SPECC1: variants seen among roughly 807,000 people sequenced by gnomAD.
SPECC1 encodes cytospin-B.
Under a neutral mutation model 104.1 loss-of-function variants are expected in SPECC1, and 62 were observed. The observed-to-expected ratio is 0.60, with a 90% CI of 0.49 to 0.74. The LOEUF (loss-of-function observed/expected upper bound fraction) is 0.74. Ranked by LOEUF, SPECC1 falls within the 30% of genes least tolerant of loss-of-function variation. The pLI, the probability that SPECC1 is intolerant of heterozygous loss-of-function variation, is 0.00. For missense variants in SPECC1, 1,306 were observed against 1,310.5 expected, an observed-to-expected ratio of 1.00 and a Z score of 0.05; for synonymous variants, 513 against 501.6, an observed-to-expected ratio of 1.02 and a Z score of -0.30.
In SPECC1 at chr17:20,315,000, C is replaced by T. The variant is rs970570423; in HGVS notation, c.*935C>T. 4 of 232,684 alleles carry T rather than the reference C, an allele frequency of 1.7e-5. No individual in the cohort carries two copies. Among genetic ancestry groups the T allele is most frequent in the Admixed American group, 5.6e-5 (1 of 17,768 alleles). The allele number at this position is 232,684 out of a possible 1,614,324, so 14.4% of individuals were successfully genotyped here. On this transcript the variant is annotated 3_prime_UTR_variant, in exon 15 of 15. Transcript: ENST00000395527. ...CTCGCGGCTTTCACAGTAGGGAAAC[C>T]GCAGTCCTCGTCACCTGCGCCTTTG...
intron 1 of SPECC1, among the ~76,000 whole-genome samples, chr17:20,075,569 A>T (rs1295703770): frequency 6.6e-6 from 1 of 151,842 alleles, no homozygotes; most frequent in Non-Finnish European, 1.5e-5. Flanking sequence ...TCAGGAGGAG[A>T]AGAAGGAGGA....
intron 12 of SPECC1, among the ~76,000 whole-genome samples, chr17:20,293,987 T>G (rs1598155668): frequency 6.6e-6 from 1 of 152,048 alleles, no homozygotes; most frequent in African/African-American, 2.4e-5. Context: ...GAATTGAATT[T>G]TTTTTGTTTT....
At chr17:20,097,202 T>C (rs1376753745) in intron 2 of SPECC1, among the ~76,000 whole-genome samples, 1 of 152,170 alleles carries the variant, frequency 6.6e-6, no homozygotes, top group South Asian at 2.1e-4. Flanking sequence ...ATTACGCCCT[T>C]CATGAGGGAG....
intron 2 of SPECC1, among the ~76,000 whole-genome samples, chr17:20,103,744 G>A (rs1049566092): frequency 1.3e-5 from 2 of 152,082 alleles, no homozygotes; most frequent in Non-Finnish European, 2.9e-5. Context: ...CAGGACGTCC[G>A]CATCCCCCGT....
chr17:20,200,864 CTT>C (rs2036381151), intron 3 of SPECC1, among the ~76,000 whole-genome samples: 1 of 141,440 alleles, frequency 7.1e-6, no homozygotes, highest in Admixed American at 7.2e-5. Context: ...TGGGAAGAAT[CTT>C]TTGGAAAACA....
intron 1 of SPECC1, among the ~76,000 whole-genome samples, chr17:20,044,237 T>G (rs1316657777): frequency 6.6e-6 from 1 of 152,078 alleles, no homozygotes; most frequent in Non-Finnish European, 1.5e-5. Flanking sequence ...GGGAAGCATT[T>G]TATTGGCTTC....
At chr17:20,078,615 A>G (rs1158991598) in intron 1 of SPECC1, among the ~76,000 whole-genome samples, 2 of 152,208 alleles carry the variant, frequency 1.3e-5, no homozygotes, top group African/African-American at 2.4e-5. Context: ...TTTGTATGGC[A>G]AATTTATAAA....
rs1215062048 is a variant in SPECC1 at position 20,110,295 on chromosome 17, A to G, written c.148-132A>G. On this transcript the variant is annotated intron_variant, in intron 2 of 14. Transcript: ENST00000395527. The stretch of plus-strand genomic sequence containing the variant: ...TTGCATTTTTTCACTTCACTCTATC[A>G]TGCTACTCAAAGTGCTGTTATTGTA... 20 of 1,104,364 alleles carry G rather than the reference A, an allele frequency of 1.8e-5. No individual in the cohort carries two copies. In the Middle Eastern group the frequency reaches 9.7e-4, roughly 53 times the overall value. 68.4% of individuals were successfully genotyped at this position (1,104,364 alleles called of 1,614,324 possible). A position where few individuals can be genotyped will look rare whatever the true frequency, so the allele number is the denominator to read the frequency against.
At chr17:20,146,897 ACT>A (rs1567876680) in intron 3 of SPECC1, among the ~76,000 whole-genome samples, 1 of 151,728 alleles carries the variant, frequency 6.6e-6, no homozygotes, top group African/African-American at 2.4e-5. Context: ...TAAGAGCAAA[ACT>A]CTGTCTCAAA....
At chr17:20,231,623 T>G in intron 5 of SPECC1, 135 bp from the exon 6 acceptor site, 1 of 734,212 alleles carries the variant, frequency 1.4e-6, no homozygotes, top group East Asian at 2.5e-5. Flanking sequence ...TGCTAAAAGT[T>G]GCATTTAGAG....
At chr17:20,108,984 A>G (rs1305177572) in intron 2 of SPECC1, among the ~76,000 whole-genome samples, 3 of 152,148 alleles carry the variant, frequency 2.0e-5, no homozygotes, top group Non-Finnish European at 2.9e-5. Flanking sequence ...TAGCGTTAGT[A>G]GATACTGCCA....
intron 2 of SPECC1, among the ~76,000 whole-genome samples, chr17:20,105,642 C>T (rs1214140273): frequency 4.6e-5 from 7 of 152,198 alleles, no homozygotes; most frequent in Admixed American, 6.5e-5. Context: ...CTGTGCTTTC[C>T]CCCCGGTCAC....
At chr17:20,296,054 G>C (rs1381120154) in intron 12 of SPECC1, among the ~76,000 whole-genome samples, 1 of 152,148 alleles carries the variant, frequency 6.6e-6, no homozygotes, top group Non-Finnish European at 1.5e-5. Flanking sequence ...TTTGGCTTTT[G>C]TTGCCATTGC....
At chr17:20,131,236 G>T (rs182253079) in intron 3 of SPECC1, among the ~76,000 whole-genome samples, 341 of 152,210 alleles carry the variant, frequency 2.2e-3, no homozygotes, top group African/African-American at 8.0e-3. Context: ...CTGTTGCCCA[G>T]GCTGGAGTGC....
At chr17:20,092,657 C>T (rs1362682356) in intron 1 of SPECC1, among the ~76,000 whole-genome samples, 2 of 152,172 alleles carry the variant, frequency 1.3e-5, no homozygotes, top group Non-Finnish European at 2.9e-5. Flanking sequence ...GGCAGAGCAG[C>T]GCTCCGTTGA....
chr17:20,094,171 A>C (rs2047537408), intron 1 of SPECC1, among the ~76,000 whole-genome samples: 2 of 152,200 alleles, frequency 1.3e-5, no homozygotes, highest in African/African-American at 4.8e-5. Context: ...GAGTGTGGGC[A>C]GCAGGAGGGG....
chr17:20,309,919 G>A (rs2041882988), intron 14 of SPECC1, among the ~76,000 whole-genome samples: 1 of 149,284 alleles, frequency 6.7e-6, no homozygotes, highest in Non-Finnish European at 1.5e-5. Flanking sequence ...CCGGGTTCAA[G>A]CAATTCTTCT....
chr17:20,164,326 A>G (rs916080555), intron 3 of SPECC1, among the ~76,000 whole-genome samples: 1 of 151,910 alleles, frequency 6.6e-6, no homozygotes, highest in Non-Finnish European at 1.5e-5. Context: ...TGCCCAGCTA[A>G]TTAAAAAAAA....
At chr17:20,285,046 G>A (rs1471596229) in intron 12 of SPECC1, among the ~76,000 whole-genome samples, 4 of 152,168 alleles carry the variant, frequency 2.6e-5, no homozygotes, top group Non-Finnish European at 5.9e-5. Context: ...CTGTGTCCTC[G>A]ATTGAATTTA....
Sources: gnomAD v4.1 joint callset for allele counts (sites outside exome capture counted in the v4.1 genomes callset) on GRCh38, gnomAD v4.1.1 for gene constraint, MANE v1.5 for transcripts, NCBI Gene and HGNC (gene_info 2026-07-23, HGNC 2026-07-21) for gene names.